Variants in DLGAP1 observed in about 807,000 individuals in gnomAD.
DLGAP1 encodes DLG associated protein 1.
Under a neutral mutation model 90.8 loss-of-function variants are expected in DLGAP1, and 11 were observed. The observed-to-expected ratio is 0.12, with a 90% CI of 0.08 to 0.20. DLGAP1 has a LOEUF of 0.20. Ranked by LOEUF, DLGAP1 falls within the 10% of genes least tolerant of loss-of-function variation. DLGAP1 has a pLI of 1.00. For synonymous variants in DLGAP1, 558 were observed against 540.7 expected (o/e 1.03, Z -0.44); for missense variants, 1,050 against 1,333.8 (o/e 0.79, Z 3.31).
At chr18:3,510,153 A>G (rs147228766) in intron 10 of DLGAP1, among the ~76,000 whole-genome samples, 264 of 152,378 alleles carry the variant, frequency 1.7e-3, no homozygotes, top group Middle Eastern at 6.8e-3. Flanking sequence ...CCCAGAAAGG[A>G]CAGCTTATGG....
chr18:4,404,855 T>C (rs1222304496), intron 1 of DLGAP1, among the ~76,000 whole-genome samples: 4 of 152,140 alleles, frequency 2.6e-5, no homozygotes, highest in Non-Finnish European at 5.9e-5. Flanking sequence ...ACCTAATAGT[T>C]TGATTTTAAA....
At chr18:4,313,060 A>T (rs2080441492) in intron 1 of DLGAP1, among the ~76,000 whole-genome samples, 1 of 152,196 alleles carries the variant, frequency 6.6e-6, no homozygotes, top group Non-Finnish European at 1.5e-5. Context: ...TCTCCTAAAA[A>T]ATTATGCTTG....
chr18:4,044,625 C>T (rs1269577908), intron 2 of DLGAP1, among the ~76,000 whole-genome samples: 1 of 151,932 alleles, frequency 6.6e-6, no homozygotes, highest in African/African-American at 2.4e-5. Flanking sequence ...CCTGTAATCC[C>T]AGCTACTCTG....
intron 2 of DLGAP1, among the ~76,000 whole-genome samples, chr18:4,055,600 C>A (rs57589013): frequency 0.037 from 5,606 of 152,182 alleles, 188 homozygotes; most frequent in African/African-American, 0.082. Context: ...CCAGCTACAT[C>A]CATCTTGAGA....
chr18:3,726,417 GAA>G (rs1048306299), intron 7 of DLGAP1, among the ~76,000 whole-genome samples: 1 of 151,616 alleles, frequency 6.6e-6, no homozygotes, highest in African/African-American at 2.4e-5. Context: ...GATCATGTGA[GAA>G]AAAGAGAAGG....
chr18:3,730,781 A>G (rs2062395147), intron 6 of DLGAP1, among the ~76,000 whole-genome samples: 2 of 152,356 alleles, frequency 1.3e-5, no homozygotes, highest in South Asian at 2.1e-4. Flanking sequence ...ACACTTTTTA[A>G]TAAGAATTCT....
chr18:3,518,675 C>T (rs1337575682), intron 10 of DLGAP1, among the ~76,000 whole-genome samples: 2 of 152,214 alleles, frequency 1.3e-5, no homozygotes, highest in African/African-American at 4.8e-5. Context: ...GTTGATCAGA[C>T]TCAGACTCTT....
chr18:4,180,979 T>C (rs546316603), intron 1 of DLGAP1, among the ~76,000 whole-genome samples: 1 of 135,118 alleles, frequency 7.4e-6, no homozygotes, highest in South Asian at 2.3e-4. Flanking sequence ...CAAGGACTTC[T>C]ACTAATGGAC....
chr18:3,574,901 A>G (rs11872843), intron 8 of DLGAP1, among the ~76,000 whole-genome samples: 57,438 of 147,422 alleles, frequency 0.39, 12,051 homozygotes, highest in East Asian at 0.82. Context: ...TGCAAGCTCC[A>G]CCTCCCGGGT....
At chr18:3,511,554 TG>T (rs1301532713) in intron 10 of DLGAP1, among the ~76,000 whole-genome samples, 5 of 148,898 alleles carry the variant, frequency 3.4e-5, no homozygotes, top group African/African-American at 7.4e-5. Context: ...ACCTTCACGG[TG>T]GAAAAAAAAA....
At chr18:3,845,244 A>C in intron 4 of DLGAP1, 3 of 1,613,138 alleles carry the variant, frequency 1.9e-6, no homozygotes, top group Non-Finnish European at 2.5e-6. Flanking sequence ...TATTAGCTGG[A>C]ATGCCAAACA....
intron 1 of DLGAP1, among the ~76,000 whole-genome samples, chr18:4,206,231 T>C (rs960674277): frequency 1.3e-5 from 2 of 152,182 alleles, no homozygotes; most frequent in African/African-American, 4.8e-5. Flanking sequence ...TCCAGTCCTT[T>C]TCCTTTACAA....
chr18:4,214,598 C>T (rs2077913397), intron 1 of DLGAP1, among the ~76,000 whole-genome samples: 1 of 152,160 alleles, frequency 6.6e-6, no homozygotes, highest in Non-Finnish European at 1.5e-5. Context: ...TTACAGTTTG[C>T]AGTGGAAAGC....
intron 1 of DLGAP1, among the ~76,000 whole-genome samples, chr18:4,223,532 T>C (rs1039269437): frequency 6.6e-6 from 1 of 152,174 alleles, no homozygotes; most frequent in East Asian, 1.9e-4. Flanking sequence ...TTACAGGAAA[T>C]AATCTAGTTT....
intron 3 of DLGAP1, among the ~76,000 whole-genome samples, chr18:3,895,282 C>CAT (rs781782090): frequency 2.1e-5 from 2 of 95,902 alleles, no homozygotes; most frequent in Non-Finnish European, 4.1e-5. Flanking sequence ...ATGTTTATTA[C>CAT]ACACACACAC....
chr18:3,767,498 T>A (rs891457332), intron 5 of DLGAP1, among the ~76,000 whole-genome samples: 1 of 152,140 alleles, frequency 6.6e-6, no homozygotes, highest in African/African-American at 2.4e-5. Flanking sequence ...AATGTTCTTA[T>A]CAAAACATTG....
At chr18:4,259,065 C>T (rs1217251703) in intron 1 of DLGAP1, among the ~76,000 whole-genome samples, 2 of 152,188 alleles carry the variant, frequency 1.3e-5, no homozygotes, top group Non-Finnish European at 1.5e-5. Flanking sequence ...GTTGTACATA[C>T]GTGCAGGACA....
At chr18:3,566,073 A>G (rs1354473878) in intron 9 of DLGAP1, among the ~76,000 whole-genome samples, 1 of 151,804 alleles carries the variant, frequency 6.6e-6, no homozygotes, top group Non-Finnish European at 1.5e-5. Context: ...TAATAGCTGT[A>G]TAATAGTTTA....
chr18:4,189,957 G>A (rs908183434), intron 1 of DLGAP1, among the ~76,000 whole-genome samples: 4 of 151,978 alleles, frequency 2.6e-5, no homozygotes, highest in Non-Finnish European at 5.9e-5. Flanking sequence ...AATATAAAAT[G>A]GTACAGTCAC....
Sources: gnomAD v4.1 joint callset for allele counts (sites outside exome capture counted in the v4.1 genomes callset) on GRCh38, gnomAD v4.1.1 for gene constraint, MANE v1.5 for transcripts, NCBI Gene and HGNC (gene_info 2026-07-23, HGNC 2026-07-21) for gene names.